The following CDH12 variants were observed in gnomAD, a reference collection of about 807,000 sequenced individuals.
The protein encoded by CDH12 is cadherin-12.
Under a neutral mutation model 74.1 loss-of-function variants are expected in CDH12, and 41 were observed. That is an observed-to-expected ratio of 0.55 (90% CI 0.43 to 0.72). The LOEUF is 0.72. Ranked by LOEUF, CDH12 falls within the 30% of genes least tolerant of loss-of-function variation. The pLI is 0.00. For synonymous variants in CDH12, 399 were observed against 355.0 expected (o/e 1.12, Z -1.39); for missense variants, 945 against 977.2 (o/e 0.97, Z 0.44).
intron 3 of CDH12, among the ~76,000 whole-genome samples, chr5:22,387,876 A>C (rs1742067281): frequency 6.6e-6 from 1 of 152,166 alleles, no homozygotes; most frequent in Non-Finnish European, 1.5e-5. Context: ...ATAGGCATGA[A>C]AATAAGCAGA....
intron 1 of CDH12, among the ~76,000 whole-genome samples, chr5:22,625,611 G>A (rs1738246110): frequency 6.6e-6 from 1 of 152,172 alleles, no homozygotes; most frequent in African/African-American, 2.4e-5. Flanking sequence ...GGTAGTGTTA[G>A]ACCTGGACAG....
chr5:22,670,631 C>T (rs1392151614), intron 1 of CDH12, among the ~76,000 whole-genome samples: 1 of 151,996 alleles, frequency 6.6e-6, no homozygotes, highest in Non-Finnish European at 1.5e-5. Flanking sequence ...GCTTTACTGG[C>T]TATTTCTATA....
At chr5:22,739,432 C>T (rs55755911) in intron 1 of CDH12, among the ~76,000 whole-genome samples, 45,482 of 151,436 alleles carry the variant, frequency 0.3, 6,950 homozygotes, top group South Asian at 0.35. Flanking sequence ...CATTTAAGAA[C>T]CTATTTTATC....
At chr5:22,851,801 T>C (rs1465614062) in intron 1 of CDH12, among the ~76,000 whole-genome samples, 2 of 152,206 alleles carry the variant, frequency 1.3e-5, no homozygotes, top group Non-Finnish European at 2.9e-5. Flanking sequence ...CTCGGTTGAA[T>C]TCTCCTGTTG....
chr5:21,899,589 T>A (rs1753287644), intron 6 of CDH12, among the ~76,000 whole-genome samples: 1 of 152,164 alleles, frequency 6.6e-6, no homozygotes, highest in African/African-American at 2.4e-5. Flanking sequence ...ATATTTGAGG[T>A]CATCTAATGG....
At chr5:22,274,438 A>G (rs1736533062) in intron 3 of CDH12, among the ~76,000 whole-genome samples, 1 of 152,138 alleles carries the variant, frequency 6.6e-6, no homozygotes, top group Non-Finnish European at 1.5e-5. Flanking sequence ...GATTTAGTTG[A>G]CATAAATGAT....
chr5:22,247,320 G>A (rs942765816), intron 3 of CDH12, among the ~76,000 whole-genome samples: 2 of 147,948 alleles, frequency 1.4e-5, no homozygotes, highest in Non-Finnish European at 3.0e-5. Flanking sequence ...ATGAAGCCTA[G>A]TAAAGCTTCA....
intron 10 of CDH12, 65 bp downstream of exon 10, chr5:21,802,102 T>G: frequency 6.9e-7 from 1 of 1,451,532 alleles, no homozygotes; most frequent in East Asian, 2.4e-5. Flanking sequence ...ATTGGTTCTC[T>G]GGTTTTTGTT....
At chr5:22,641,386 A>G (rs1739142891) in intron 1 of CDH12, among the ~76,000 whole-genome samples, 1 of 151,988 alleles carries the variant, frequency 6.6e-6, no homozygotes, top group Non-Finnish European at 1.5e-5. Context: ...AGGAAATCAC[A>G]TTTTCTCTGC....
chr5:22,470,572 C>T (rs1349778806), intron 2 of CDH12, among the ~76,000 whole-genome samples: 1 of 151,888 alleles, frequency 6.6e-6, no homozygotes, highest in Non-Finnish European at 1.5e-5. Flanking sequence ...GCACATGCCA[C>T]CCTGCCTGGT....
chr5:22,810,035 A>T (rs1749058160), intron 1 of CDH12, among the ~76,000 whole-genome samples: 1 of 152,138 alleles, frequency 6.6e-6, no homozygotes, highest in Admixed American at 6.5e-5. Flanking sequence ...TTTTATTTTA[A>T]AACACTATAT....
intron 4 of CDH12, among the ~76,000 whole-genome samples, chr5:22,202,348 T>C (rs1750974521): frequency 6.6e-6 from 1 of 151,974 alleles, no homozygotes; most frequent in Non-Finnish European, 1.5e-5. Flanking sequence ...AAATTTGAGA[T>C]GAACAATAAG....
intron 4 of CDH12, among the ~76,000 whole-genome samples, chr5:22,101,072 G>A (rs1051793282): frequency 6.6e-6 from 1 of 151,936 alleles, no homozygotes; most frequent in African/African-American, 2.4e-5. Flanking sequence ...GATATTACCT[G>A]TATGTAAAAA....
chr5:22,211,350 AAAT>A (rs1264497048), intron 4 of CDH12, among the ~76,000 whole-genome samples: 7 of 152,192 alleles, frequency 4.6e-5, no homozygotes, highest in Non-Finnish European at 8.8e-5. Context: ...GTGATATTTT[AAAT>A]AATGTTTATT....
At chr5:22,398,509 G>A (rs1466551994) in intron 3 of CDH12, among the ~76,000 whole-genome samples, 1 of 152,068 alleles carries the variant, frequency 6.6e-6, no homozygotes, top group Admixed American at 6.6e-5. Flanking sequence ...GGCAGTGTTG[G>A]AAGGAAATCT....
rs565580731 is a variant in CDH12 at position 22,324,277 on chromosome 5, G to A, written c.-333+80980C>T. ...GTTAATCTTTTCATTTTAAGGTTAT[G>A]GAATTTTTATCTTATTGGTAAATCA... On this transcript the variant is annotated intron_variant, in intron 3 of 14. Transcript: ENST00000382254. 2.6e-5 allele frequency among the ~76,000 whole-genome samples: 4 copies of A among 152,002 alleles called. No homozygotes were observed. In the East Asian group the frequency reaches 7.7e-4, roughly 29 times the overall value.
chr5:22,705,743 A>G (rs1742975462), intron 1 of CDH12, among the ~76,000 whole-genome samples: 1 of 152,044 alleles, frequency 6.6e-6, no homozygotes, highest in Non-Finnish European at 1.5e-5. Context: ...ACACTGAGGG[A>G]TAAGGAGATA....
chr5:22,614,338 G>T (rs1195888574), intron 1 of CDH12, among the ~76,000 whole-genome samples: 1 of 152,110 alleles, frequency 6.6e-6, no homozygotes, highest in East Asian at 1.9e-4. Context: ...CACGCTCTGG[G>T]TAAATGCCTT....
At chr5:22,595,775 T>C (rs1455668936) in intron 1 of CDH12, among the ~76,000 whole-genome samples, 1 of 152,084 alleles carries the variant, frequency 6.6e-6, no homozygotes, top group East Asian at 1.9e-4. Context: ...GAAAAATGTT[T>C]CTGAAAAGCC....
Sources: gnomAD v4.1 joint callset for allele counts (sites outside exome capture counted in the v4.1 genomes callset) on GRCh38, gnomAD v4.1.1 for gene constraint, MANE v1.5 for transcripts, NCBI Gene and HGNC (gene_info 2026-07-23, HGNC 2026-07-21) for gene names.